The following MGAT4C variants were observed in gnomAD, a reference collection of about 807,000 sequenced individuals.
MGAT4C encodes MGAT4 family member C.
MGAT4C carries 19 observed loss-of-function variants against 40.1 expected under a neutral mutation model. The ratio of observed to expected loss-of-function variants is 0.47; its 90% CI spans 0.33 to 0.70. MGAT4C has a LOEUF of 0.70. MGAT4C is among the 30% of genes least tolerant of loss of function. The pLI is 0.02. For missense variants in MGAT4C, 491 were observed against 563.2 expected (o/e 0.87, Z 1.30); for synonymous variants, 181 against 187.1 (o/e 0.97, Z 0.27).
intron 1 of MGAT4C, among the ~76,000 whole-genome samples, chr12:86,209,333 G>C (rs1021382883): frequency 6.6e-6 from 1 of 151,824 alleles, no homozygotes; most frequent in African/African-American, 2.4e-5. Flanking sequence ...ATAAAACAAA[G>C]ATAATTCTAT....
chr12:86,013,888 C>T (rs1355691153), intron 2 of MGAT4C: 1 of 375,066 alleles, frequency 2.7e-6, no homozygotes, highest in East Asian at 1.6e-4. Context: ...TTTGGTATTA[C>T]ATGACTTCTC....
intron 2 of MGAT4C, among the ~76,000 whole-genome samples, chr12:86,601,073 G>A (rs1490158138): frequency 6.6e-6 from 1 of 152,244 alleles, no homozygotes. Flanking sequence ...AGGCTGAAAT[G>A]TTGGGTGCTG....
At chr12:86,769,286 A>G (rs1412799795) in intron 1 of MGAT4C, among the ~76,000 whole-genome samples, 2 of 152,172 alleles carry the variant, frequency 1.3e-5, no homozygotes, top group African/African-American at 2.4e-5. Context: ...ATCACTGGCC[A>G]TCAGAGAAAT....
At chr12:86,756,499 T>C (rs1472428855) in intron 1 of MGAT4C, among the ~76,000 whole-genome samples, 1 of 152,100 alleles carries the variant, frequency 6.6e-6, no homozygotes, top group Non-Finnish European at 1.5e-5. Context: ...CTGATTTTCC[T>C]AGGAATTCTA....
intron 2 of MGAT4C, among the ~76,000 whole-genome samples, chr12:86,473,939 C>T (rs1276699825): frequency 6.6e-6 from 1 of 152,036 alleles, no homozygotes; most frequent in Non-Finnish European, 1.5e-5. Flanking sequence ...AAGTTTCTAT[C>T]AATGGATAAA....
intron 3 of MGAT4C, among the ~76,000 whole-genome samples, chr12:86,433,015 C>T (rs1292060738): frequency 6.6e-6 from 1 of 151,856 alleles, no homozygotes; most frequent in Non-Finnish European, 1.5e-5. Flanking sequence ...GTCTGAGCCA[C>T]ACAGTTCAGT....
chr12:86,455,859 A>G (rs1273367131), intron 2 of MGAT4C, among the ~76,000 whole-genome samples: 1 of 152,084 alleles, frequency 6.6e-6, no homozygotes, highest in Non-Finnish European at 1.5e-5. Context: ...TGGTTCTTTC[A>G]TTCAGTACCC....
rs563371033 is a variant in MGAT4C, at chr12:86,267,636, A to AG, written c.-57+66428dup. ...GCACTAGACTGTAGTAATTCAATAA[A>AG]GGGGGGAATAAATAAACCATAAAGA... On this transcript the variant is annotated intron_variant, in intron 4 of 7. Transcript: ENST00000548651. 2.7e-4 allele frequency among the ~76,000 whole-genome samples: 41 copies of AG among 152,294 alleles called. No individual in the cohort carries two copies. In the East Asian group the frequency reaches 6.8e-3, roughly 25 times the overall value.
chr12:86,420,265 C>A (rs757368333), intron 3 of MGAT4C, among the ~76,000 whole-genome samples: 18 of 151,848 alleles, frequency 1.2e-4, no homozygotes, highest in Non-Finnish European at 2.1e-4. Flanking sequence ...GCCCGCAGTC[C>A]CAGTTACTCT....
chr12:86,567,689 T>G (rs983647613), intron 2 of MGAT4C, among the ~76,000 whole-genome samples: 1 of 152,078 alleles, frequency 6.6e-6, no homozygotes, highest in Non-Finnish European at 1.5e-5. Flanking sequence ...CTGAAGGCAA[T>G]GGGAATACAG....
intron 2 of MGAT4C, among the ~76,000 whole-genome samples, chr12:86,532,081 T>C (rs1958995804): frequency 6.6e-6 from 1 of 151,900 alleles, no homozygotes. Context: ...TTCTTTAACT[T>C]AGGAATAGGA....
chr12:86,673,848 A>C (rs1964325173), intron 2 of MGAT4C, among the ~76,000 whole-genome samples: 1 of 151,982 alleles, frequency 6.6e-6, no homozygotes. Flanking sequence ...TCAATTAGCT[A>C]CCTTTAATTA....
chr12:86,707,815 G>A (rs561352154), intron 2 of MGAT4C, among the ~76,000 whole-genome samples: 222 of 152,228 alleles, frequency 1.5e-3, no homozygotes, highest in Non-Finnish European at 2.0e-3. Context: ...ACAGGCATGA[G>A]CCTCCATGCC....
rs1045316441 is a variant in MGAT4C at position 85,959,377 on chromosome 12, G to A, written c.*19912C>T. The A allele has an allele frequency of 6.6e-6, 1 of 151,926 alleles. No homozygotes were observed. Among genetic ancestry groups the A allele is most frequent in the African/African-American group, 2.4e-5 (1 of 41,402 alleles). 9.4% of individuals were successfully genotyped at this position (151,926 alleles called of 1,614,324 possible). On this transcript the variant is annotated 3_prime_UTR_variant, in exon 5 of 5. Transcript: ENST00000611864. ...AAGTTTGGTAAATCTTTGCTTTACA[G>A]GGCTTCAAGTTATAGATTTTTCTTT...
chr12:86,347,228 C>G (rs752047631), intron 3 of MGAT4C, among the ~76,000 whole-genome samples: 2 of 152,054 alleles, frequency 1.3e-5, no homozygotes, highest in Non-Finnish European at 2.9e-5. Flanking sequence ...CTAGACAAAC[C>G]TGACTACTAC....
chr12:86,228,591 C>T (rs1274198420), intron 1 of MGAT4C, among the ~76,000 whole-genome samples: 2 of 151,660 alleles, frequency 1.3e-5, no homozygotes, highest in Non-Finnish European at 3.0e-5. Flanking sequence ...TTTTTCTGCA[C>T]TCTAATAGAA....
At chr12:86,317,137 T>C (rs1237630202) in intron 4 of MGAT4C, among the ~76,000 whole-genome samples, 2 of 152,096 alleles carry the variant, frequency 1.3e-5, no homozygotes, top group Non-Finnish European at 2.9e-5. Context: ...GCTAATATTT[T>C]ATACTTTCAA....
chr12:86,578,729 T>C (rs1241091725), intron 2 of MGAT4C, among the ~76,000 whole-genome samples: 2 of 151,810 alleles, frequency 1.3e-5, no homozygotes, highest in Non-Finnish European at 2.9e-5. Flanking sequence ...ATTTCTCATT[T>C]TAATATTTGG....
intron 1 of MGAT4C, among the ~76,000 whole-genome samples, chr12:86,791,368 T>C (rs867808955): frequency 6.6e-6 from 1 of 151,910 alleles, no homozygotes. Flanking sequence ...ACAGGTTTGG[T>C]ATTTGAGCAT....
Sources: allele counts gnomAD v4.1 joint callset (sites outside exome capture counted in the v4.1 genomes callset), GRCh38; gene constraint gnomAD v4.1.1; transcripts MANE v1.5; gene names NCBI Gene and HGNC (gene_info 2026-07-23, HGNC 2026-07-21).